The following TRDN variants were observed in gnomAD, a reference collection of about 807,000 sequenced individuals.
TRDN encodes the protein triadin in skeletal muscle.
Under a neutral mutation model 149.7 loss-of-function variants are expected in TRDN, and 161 were observed. That is an observed-to-expected ratio of 1.08 (90% CI 0.95 to 1.23). TRDN has a LOEUF of 1.23. TRDN is among the 50% of genes most tolerant of loss of function. TRDN has a pLI of 0.00. For missense variants in TRDN, 896 were observed against 823.5 expected (o/e 1.09, Z -1.08); for synonymous variants, 294 against 250.5 (o/e 1.17, Z -1.64).
chr6:123,405,362 G>C (rs1773152773), intron 12 of TRDN, among the ~76,000 whole-genome samples: 1 of 152,190 alleles, frequency 6.6e-6, no homozygotes, highest in South Asian at 2.1e-4. Flanking sequence ...CAGCTACTAG[G>C]CTTTCCAGTT....
At chr6:123,430,452 T>G (rs939364612) in intron 12 of TRDN, among the ~76,000 whole-genome samples, 6 of 151,474 alleles carry the variant, frequency 4.0e-5, no homozygotes, top group Admixed American at 1.3e-4. Flanking sequence ...CATGGTGGCA[T>G]GTGCCTGTAG....
intron 9 of TRDN, among the ~76,000 whole-genome samples, chr6:123,491,826 C>T (rs1305956741): frequency 6.6e-6 from 1 of 152,098 alleles, no homozygotes; most frequent in Non-Finnish European, 1.5e-5. Flanking sequence ...TGGAACTATG[C>T]CTACCTTGGA....
chr6:123,557,843 T>G (rs1177384910), intron 2 of TRDN, among the ~76,000 whole-genome samples: 2 of 151,372 alleles, frequency 1.3e-5, no homozygotes, highest in Non-Finnish European at 1.5e-5. Flanking sequence ...ACCCTCTCTT[T>G]TCTCTGGACT....
rs9482383 is a variant in TRDN, at chr6:123,398,044, G to A, written c.1052-4367C>T. Among the ~76,000 whole-genome samples, 1,050 of 152,164 alleles carry A rather than the reference G, an allele frequency of 6.9e-3. 10 individuals are homozygous for A. The highest frequency in any genetic ancestry group is 0.024 in the African/African-American group (995 of 41,510). On this transcript the variant is annotated intron_variant, in intron 12 of 40. Transcript: ENST00000334268. ...TTTTGAAATGGTGTCTCACTCCGTCGCCCAGGCTGGCGTGCAGTGGCACGA... is the reference window on the plus strand; with the variant it reads ...TTTTGAAATGGTGTCTCACTCCGTCACCCAGGCTGGCGTGCAGTGGCACGA...
intron 8 of TRDN, chr6:123,498,321 C>T: frequency 1.1e-5 from 3 of 274,746 alleles, no homozygotes; most frequent in Non-Finnish European, 2.2e-5. Context: ...TTTTGTAAAT[C>T]TCGTTCTTTT....
chr6:123,332,181 G>C (rs1779683789), intron 22 of TRDN, among the ~76,000 whole-genome samples: 1 of 152,014 alleles, frequency 6.6e-6, no homozygotes, highest in African/African-American at 2.4e-5. Flanking sequence ...TTGTTTAAGA[G>C]AATGAGTATT....
intron 1 of TRDN, among the ~76,000 whole-genome samples, chr6:123,581,923 G>A (rs1783139532): frequency 6.6e-6 from 1 of 152,162 alleles, no homozygotes; most frequent in Non-Finnish European, 1.5e-5. Context: ...AGATTGAAGA[G>A]ATTAAATGGG....
At chr6:123,301,780 T>TATATACATATATATATATAC (rs1778435317) in intron 24 of TRDN, among the ~76,000 whole-genome samples, 2 of 90,226 alleles carry the variant, frequency 2.2e-5, no homozygotes, top group Non-Finnish European at 5.0e-5. Flanking sequence ...CATATATATA[T>TATATACATATATATATATAC]ATATATACAT....
At chr6:123,411,649 C>G (rs1483183846) in intron 12 of TRDN, 17 of 152,364 alleles carry the variant, frequency 1.1e-4, no homozygotes, top group Non-Finnish European at 4.4e-5. Flanking sequence ...ATACCCAATA[C>G]TTAATCTGTA....
At chr6:123,467,977 G>A (rs899790532) in intron 9 of TRDN, among the ~76,000 whole-genome samples, 2 of 152,066 alleles carry the variant, frequency 1.3e-5, no homozygotes, top group Non-Finnish European at 2.9e-5. Context: ...TTCAGTTAAG[G>A]TGTTTATAAA....
intron 24 of TRDN, among the ~76,000 whole-genome samples, chr6:123,312,112 C>CT (rs1393803786): frequency 1.3e-5 from 2 of 151,910 alleles, no homozygotes; most frequent in Non-Finnish European, 2.9e-5. Flanking sequence ...TTACTCAAGA[C>CT]TGCTTTAACT....
intron 10 of TRDN, among the ~76,000 whole-genome samples, chr6:123,442,545 C>CG (rs1774978704): frequency 2.7e-5 from 1 of 36,430 alleles, no homozygotes; most frequent in African/African-American, 1.0e-4. Flanking sequence ...GACTCCGTCT[C>CG]AAAAAAAAAA....
intron 38 of TRDN, among the ~76,000 whole-genome samples, chr6:123,233,202 C>T (rs1775671437): frequency 6.6e-6 from 1 of 152,038 alleles, no homozygotes; most frequent in African/African-American, 2.4e-5. Flanking sequence ...CCTAAGAAAT[C>T]TTAAAAACCC....
In TRDN at chr6:123,259,667, G is replaced by C; in HGVS notation, c.1832-5C>G. On this transcript the variant is annotated splice_polypyrimidine_tract_variant and splice_region_variant and intron_variant, in intron 34 of 40. Coordinates refer to ENST00000334268, the MANE Select transcript of TRDN (RefSeq NM_006073.4). ...ATATTTCAGTTTTCTTCTTTCCTAG[G>C]GGAAAGAAAAACAACAAGAAACCAT... 2 of 1,457,184 alleles carry C rather than the reference G, an allele frequency of 1.4e-6. No homozygotes were observed. The highest frequency in any genetic ancestry group is 1.8e-6 in the Non-Finnish European group (2 of 1,081,552). 90.3% of individuals were successfully genotyped at this position (1,457,184 alleles called of 1,614,324 possible).
At chr6:123,226,724 AC>A (rs1775386103) in intron 38 of TRDN, among the ~76,000 whole-genome samples, 1 of 151,920 alleles carries the variant, frequency 6.6e-6, no homozygotes, top group Non-Finnish European at 1.5e-5. Flanking sequence ...TAAGGCACTT[AC>A]TGTCTACTTA....
rs1034893868 is a variant in TRDN at position 123,388,618 on chromosome 6, G to A, written c.1106-67C>T. 13 of 1,523,150 alleles carry A rather than the reference G, an allele frequency of 8.5e-6. No individual in the cohort carries two copies. In the African/African-American group the frequency reaches 1.1e-4, roughly 13 times the overall value. 94.4% of individuals were successfully genotyped at this position (1,523,150 alleles called of 1,614,324 possible). On this transcript the variant is annotated intron_variant, in intron 13 of 40. Transcript: ENST00000334268. Reference sequence around the variant, plus strand: ...TTCCTCAGAATACTCCCCAGAATATGAGAATGTATTCCACATATTCATAAA... The same window carrying A: ...TTCCTCAGAATACTCCCCAGAATATAAGAATGTATTCCACATATTCATAAA...
intron 12 of TRDN, among the ~76,000 whole-genome samples, chr6:123,407,021 AAGCTTAGGTGGGGGTGGGGTG>A (rs1232196073): frequency 1.3e-5 from 2 of 152,000 alleles, no homozygotes; most frequent in Admixed American, 1.3e-4. Flanking sequence ...GAGAGGGCCC[AAGCTTAGGTGGGGGTGGGGTG>A]GGGGAAATTT....
intron 1 of TRDN, among the ~76,000 whole-genome samples, chr6:123,576,907 G>A (rs1036723242): frequency 1.3e-5 from 2 of 151,850 alleles, no homozygotes; most frequent in African/African-American, 4.8e-5. Context: ...AAAGTGTCAG[G>A]AGACATGTGA....
At chr6:123,316,588 C>T in intron 23 of TRDN, 93 bp from the exon 24 acceptor site, 2 of 1,029,340 alleles carry the variant, frequency 1.9e-6, no homozygotes, top group Non-Finnish European at 2.9e-6. Flanking sequence ...AATAGGTAGG[C>T]TTCACTGATT....
Sources: allele counts gnomAD v4.1 joint callset (sites outside exome capture counted in the v4.1 genomes callset), GRCh38; gene constraint gnomAD v4.1.1; transcripts MANE v1.5; gene names NCBI Gene and HGNC (gene_info 2026-07-23, HGNC 2026-07-21).